QTGAL: variants seen among roughly 807,000 people sequenced by gnomAD.
QTGAL encodes the protein queuosine-tRNA galactosyltransferase.
the QTGAL span, among the ~76,000 whole-genome samples, chr17:83,017,998 C>T: frequency 7.2e-6 from 1 of 139,728 alleles, no homozygotes; most frequent in South Asian, 2.4e-4. Context: ...ACACGTGCTC[C>T]GTGAACACCG....
the QTGAL span, chr17:83,048,487 A>G: frequency 9.3e-6 from 15 of 1,611,730 alleles, no homozygotes; most frequent in Non-Finnish European, 1.3e-5. Flanking sequence ...TAGGAGAGGG[A>G]GAATCGTGCC....
At chr17:83,013,564 G>A in the QTGAL span, among the ~76,000 whole-genome samples, 1 of 150,934 alleles carries the variant, frequency 6.6e-6, no homozygotes, top group South Asian at 2.1e-4. Context: ...CCACTCTGTG[G>A]GGAGCTGGGC....
At chr17:83,026,199 A>T in the QTGAL span, among the ~76,000 whole-genome samples, 1 of 152,198 alleles carries the variant, frequency 6.6e-6, no homozygotes, top group Non-Finnish European at 1.5e-5. Context: ...CGGAATTCTA[A>T]GTGCTGGAGA....
the QTGAL span, among the ~76,000 whole-genome samples, chr17:83,023,461 A>C: frequency 6.6e-6 from 1 of 152,282 alleles, no homozygotes; most frequent in Non-Finnish European, 1.5e-5. Context: ...TTCTTTTCTA[A>C]ATAATTCCAG....
At chr17:83,028,014 T>G in the QTGAL span, among the ~76,000 whole-genome samples, 1 of 152,064 alleles carries the variant, frequency 6.6e-6, no homozygotes, top group Admixed American at 6.5e-5. Flanking sequence ...CTCAGGAGGC[T>G]GAGGCAGGAT....
the QTGAL span, among the ~76,000 whole-genome samples, chr17:83,042,326 C>T: frequency 6.6e-6 from 1 of 152,238 alleles, no homozygotes; most frequent in Admixed American, 6.5e-5. Context: ...AAGATCACGC[C>T]ACTGCGCTCC....
At chr17:82,964,030 G>GGGC in the QTGAL span, among the ~76,000 whole-genome samples, 7 of 134,694 alleles carry the variant, frequency 5.2e-5, no homozygotes, top group East Asian at 2.3e-4. Flanking sequence ...GCTGAGGTCG[G>GGGC]GGGGGTGGAT....
chr17:83,009,087 C>T, the QTGAL span, among the ~76,000 whole-genome samples: 4 of 152,116 alleles, frequency 2.6e-5, no homozygotes, highest in Admixed American at 2.0e-4. Context: ...AAACTCACAC[C>T]CTCGAGGTGA....
chr17:83,005,177 T>C, the QTGAL span: 2 of 1,610,178 alleles, frequency 1.2e-6, no homozygotes, highest in African/African-American at 1.3e-5. This position sits in a 1 kb window ranked among gnomAD's most constrained non-coding sequence, Gnocchi z 5.6. Context: ...TCGGTGGAGT[T>C]AGGGGGATCT....
the QTGAL span, among the ~76,000 whole-genome samples, chr17:82,959,826 G>A: frequency 6.6e-6 from 1 of 152,064 alleles, no homozygotes; most frequent in Non-Finnish European, 1.5e-5. Context: ...CCCATCGTAG[G>A]AAGGTAAAAT....
the QTGAL span, chr17:82,949,407 A>G: frequency 0.51 from 77,102 of 152,126 alleles, 19,750 homozygotes; most frequent in East Asian, 0.63. Context: ...TTTTAGTGAC[A>G]AACGTGAACC....
the QTGAL span, among the ~76,000 whole-genome samples, chr17:83,043,083 G>T: frequency 2.0e-5 from 3 of 152,196 alleles, no homozygotes; most frequent in African/African-American, 7.2e-5. Context: ...GTAACAGTCG[G>T]AGATTCAACA....
chr17:83,047,959 TTC>T, the QTGAL span, among the ~76,000 whole-genome samples: 38 of 152,118 alleles, frequency 2.5e-4, no homozygotes, highest in Non-Finnish European at 4.0e-4. Context: ...TTCTTTCTTT[TTC>T]TCTTTCTTTC....
chr17:82,956,858 G>T, the QTGAL span: 1 of 1,422,666 alleles, frequency 7.0e-7, no homozygotes, highest in Non-Finnish European at 9.7e-7. The surrounding 1 kb of genome is among the most constrained non-coding windows in gnomAD (Gnocchi z 5.7). Flanking sequence ...CACCAAGTTG[G>T]CTCACACAGG....
chr17:83,024,515 C>T, the QTGAL span, among the ~76,000 whole-genome samples: 1 of 152,234 alleles, frequency 6.6e-6, no homozygotes, highest in Non-Finnish European at 1.5e-5. Flanking sequence ...GCGTGTGGGG[C>T]CTCAGCTGTT....
chr17:83,027,248 TC>T, the QTGAL span, among the ~76,000 whole-genome samples: 1 of 152,240 alleles, frequency 6.6e-6, no homozygotes, highest in Admixed American at 6.5e-5. Flanking sequence ...CAAGTGATTT[TC>T]AACAAAGGCA....
At chr17:83,037,663 G>A in the QTGAL span, among the ~76,000 whole-genome samples, 2 of 152,332 alleles carry the variant, frequency 1.3e-5, no homozygotes, top group Non-Finnish European at 2.9e-5. This position sits in a 1 kb window ranked among gnomAD's most constrained non-coding sequence, Gnocchi z 5.2. Context: ...CTGTGAGGAC[G>A]AAGGGCCGGA....
chr17:82,956,081 G>C, the QTGAL span, among the ~76,000 whole-genome samples: 1 of 152,024 alleles, frequency 6.6e-6, no homozygotes. This position sits in a 1 kb window ranked among gnomAD's most constrained non-coding sequence, Gnocchi z 5.7. Flanking sequence ...CGGGTTGATA[G>C]GTGCAGCAAA....
At chr17:83,034,498 C>G in the QTGAL span, among the ~76,000 whole-genome samples, 5 of 150,890 alleles carry the variant, frequency 3.3e-5, no homozygotes, top group African/African-American at 9.7e-5. Flanking sequence ...TGTCCCCACC[C>G]AAATCTCATC....
Sources: gnomAD v4.1 joint callset for allele counts (sites outside exome capture counted in the v4.1 genomes callset) on GRCh38, gnomAD v4.1.1 for gene constraint, Gnocchi (gnomAD v3.1) non-coding constraint, MANE v1.5 for transcripts, NCBI Gene and HGNC (gene_info 2026-07-23, HGNC 2026-07-21) for gene names.